Variants in SEL1L2 observed in about 807,000 individuals in gnomAD.
SEL1L2 encodes the protein protein sel-1 homolog 2.
SEL1L2 carries 89 observed loss-of-function variants against 98.8 expected under a neutral mutation model. The observed-to-expected ratio is 0.90, with a 90% confidence interval of 0.76 to 1.07. The LOEUF is 1.07. Ranked by LOEUF, SEL1L2 falls within the 50% of genes least tolerant of loss-of-function variation. The probability of loss-of-function intolerance (pLI) is 0.00; values close to 1 mark genes in which losing one functional copy is unlikely to be tolerated. For missense variants in SEL1L2, 788 were observed against 812.0 expected, an observed-to-expected ratio of 0.97 and a Z score of 0.36; for synonymous variants, 262 against 278.5, an observed-to-expected ratio of 0.94 and a Z score of 0.59.
At chr20:13,937,094 G>GT (rs1226996834) in intron 2 of SEL1L2, among the ~76,000 whole-genome samples, 1 of 152,202 alleles carries the variant, frequency 6.6e-6, no homozygotes, top group Non-Finnish European at 1.5e-5. Flanking sequence ...TACTTAAATA[G>GT]TTTTTATTGT....
At chr20:13,946,412 C>A (rs576456200) in intron 2 of SEL1L2, among the ~76,000 whole-genome samples, 65 of 152,062 alleles carry the variant, frequency 4.3e-4, no homozygotes, top group Non-Finnish European at 7.8e-4. Context: ...GAATAAAGTA[C>A]TTATAAAGAA....
intron 2 of SEL1L2, among the ~76,000 whole-genome samples, chr20:13,940,153 G>A (rs1040954650): frequency 6.6e-5 from 10 of 152,144 alleles, no homozygotes. Context: ...GAACAAGTTA[G>A]TATCAGATAT....
chr20:13,990,657 C>T (rs1188082925), upstream of SEL1L2: 6 of 717,814 alleles, frequency 8.4e-6, no homozygotes, highest in East Asian at 1.6e-4. Context: ...CATTTCCTTA[C>T]TCTTGGGCCA....
At chr20:13,990,416 G>T in intron 1 of SEL1L2, 61 bp downstream of exon 1, 3 of 1,161,462 alleles carry the variant, frequency 2.6e-6, no homozygotes, top group Non-Finnish European at 3.9e-6. Flanking sequence ...TTCTGCCCTT[G>T]GCGCTGTTTG....
chr20:13,903,862 G>A (rs952527535), intron 5 of SEL1L2, among the ~76,000 whole-genome samples: 4 of 152,112 alleles, frequency 2.6e-5, no homozygotes, highest in Non-Finnish European at 4.4e-5. Flanking sequence ...GGAGAATCCC[G>A]TCGAGTATTT....
chr20:13,906,612 A>AT (rs560118353), intron 5 of SEL1L2, among the ~76,000 whole-genome samples: 8 of 151,556 alleles, frequency 5.3e-5, no homozygotes, highest in African/African-American at 4.9e-5. Context: ...ACTAAAAATA[A>AT]TTTTTTTTTC....
intron 18 of SEL1L2, among the ~76,000 whole-genome samples, chr20:13,858,543 G>A (rs745779846): frequency 7.2e-5 from 11 of 152,198 alleles, no homozygotes; most frequent in Non-Finnish European, 1.5e-4. Flanking sequence ...TGATGTAAAT[G>A]ACAGAAACGC....
chr20:13,985,522 C>G (rs1033881513), intron 1 of SEL1L2, among the ~76,000 whole-genome samples: 3 of 152,182 alleles, frequency 2.0e-5, no homozygotes, highest in Non-Finnish European at 2.9e-5. Context: ...CCCTACAGTA[C>G]CCTGTAAATG....
chr20:13,921,154 T>A (rs1428029793), intron 3 of SEL1L2, among the ~76,000 whole-genome samples: 1 of 152,240 alleles, frequency 6.6e-6, no homozygotes, highest in Non-Finnish European at 1.5e-5. Context: ...TTATTTGTAA[T>A]TCTTTTTTGG....
chr20:13,883,732 C>G (rs190393959), intron 10 of SEL1L2, among the ~76,000 whole-genome samples: 15 of 152,350 alleles, frequency 9.8e-5, no homozygotes, highest in Non-Finnish European at 1.5e-5. Flanking sequence ...GTGGCTGGAG[C>G]TGACTGAAGT....
intron 1 of SEL1L2, among the ~76,000 whole-genome samples, chr20:13,977,342 G>A (rs2051589774): frequency 6.6e-6 from 1 of 152,154 alleles, no homozygotes; most frequent in Non-Finnish European, 1.5e-5. Flanking sequence ...AGCCTGAGAT[G>A]GCTATACAGA....
chr20:13,918,027 G>A (rs1452787511), intron 4 of SEL1L2, among the ~76,000 whole-genome samples: 1 of 151,948 alleles, frequency 6.6e-6, no homozygotes, highest in African/African-American at 2.4e-5. Context: ...CTGACCTCAA[G>A]CAATCTGCTA....
intron 12 of SEL1L2, among the ~76,000 whole-genome samples, chr20:13,874,682 C>T (rs1789799594): frequency 6.6e-6 from 1 of 152,136 alleles, no homozygotes; most frequent in South Asian, 2.1e-4. Context: ...ATATAAATTA[C>T]AAAGGAGAGG....
In SEL1L2 at chr20:13,978,565, A is replaced by T. The variant is rs755090272; in HGVS notation, c.58+11912T>A. On this transcript the variant is annotated intron_variant, in intron 1 of 19. Coordinates refer to ENST00000284951, the MANE Select transcript of SEL1L2 (RefSeq NM_025229.2). The stretch of plus-strand genomic sequence containing the variant: ...TGATCCATCAATCCTACTACTATTT[A>T]TCCAAAGAAAAGGAAATCAGTATAC... 6.8e-4 allele frequency among the ~76,000 whole-genome samples: 103 copies of T among 152,356 alleles called. 2 individuals are homozygous for T. Among genetic ancestry groups the T allele is most frequent in the Admixed American group, 3.5e-3 (53 of 15,294 alleles).
intron 10 of SEL1L2, among the ~76,000 whole-genome samples, chr20:13,879,440 CT>C (rs1395522554): frequency 6.6e-6 from 1 of 152,060 alleles, no homozygotes; most frequent in East Asian, 1.9e-4. Context: ...CAACCTCCAC[CT>C]CCTGGGTTCA....
intron 5 of SEL1L2, among the ~76,000 whole-genome samples, chr20:13,899,087 C>T (rs979423119): frequency 2.6e-5 from 4 of 152,088 alleles, no homozygotes; most frequent in Non-Finnish European, 5.9e-5. Flanking sequence ...AAAAAGATGC[C>T]ATGTGACACT....
At chr20:13,936,622 C>A in intron 2 of SEL1L2, among the ~76,000 whole-genome samples, 1 of 152,168 alleles carries the variant, frequency 6.6e-6, no homozygotes, top group East Asian at 1.9e-4. Context: ...ATCAGCAGCA[C>A]CCATTCCCTA....
intron 5 of SEL1L2, among the ~76,000 whole-genome samples, chr20:13,910,509 T>C (rs1389177354): frequency 1.3e-5 from 2 of 152,214 alleles, no homozygotes; most frequent in Non-Finnish European, 2.9e-5. Flanking sequence ...CATATGGTCA[T>C]AATTTCTGGT....
intron 11 of SEL1L2, among the ~76,000 whole-genome samples, chr20:13,876,352 C>A (rs965750058): frequency 1.3e-5 from 2 of 151,064 alleles, no homozygotes; most frequent in Non-Finnish European, 1.5e-5. Context: ...TCTGGAGTGA[C>A]CCTGCCTGAG....
Sources: gnomAD v4.1 joint callset for allele counts (sites outside exome capture counted in the v4.1 genomes callset) on GRCh38, gnomAD v4.1.1 for gene constraint, MANE v1.5 for transcripts, NCBI Gene and HGNC (gene_info 2026-07-23, HGNC 2026-07-21) for gene names.